NAALADL2: variants seen among roughly 807,000 people sequenced by gnomAD.
NAALADL2 encodes the protein inactive N-acetylated-alpha-linked acidic dipeptidase-like protein 2.
NAALADL2 carries 76 observed loss-of-function variants against 87.2 expected under a neutral mutation model. The observed-to-expected ratio is 0.87, with a 90% CI of 0.72 to 1.05. The LOEUF (loss-of-function observed/expected upper bound fraction) is 1.05, where lower values mean the gene tolerates loss of function less well. NAALADL2 is among the 50% of genes least tolerant of loss of function. NAALADL2 has a pLI of 0.00. For missense variants in NAALADL2, 1,089 were observed against 945.8 expected (o/e 1.15, Z -1.99); for synonymous variants, 354 against 331.0 (o/e 1.07, Z -0.75).
At position 174,664,638 on chromosome 3, in the gene NAALADL2, C is replaced by G. The variant is rs555816823; in HGVS notation, c.-114-73003C>G. 2.6e-5 allele frequency among the ~76,000 whole-genome samples: 4 copies of G among 152,198 alleles called. No homozygotes were observed. The South Asian group carries it at 8.3e-4, about 32-fold the overall frequency. ...TACCTACATATGTTGTAGTGGTTAT[C>G]CAGTCAGAGTGTTGTGATGGGCAAT... On this transcript the variant is annotated intron_variant, in intron 2 of 3. Coordinates refer to the NAALADL2 transcript ENST00000434257.
intron 5 of NAALADL2, among the ~76,000 whole-genome samples, chr3:175,401,167 T>A (rs968605678): frequency 6.6e-6 from 1 of 152,070 alleles, no homozygotes; most frequent in Non-Finnish European, 1.5e-5. Context: ...GGGTTGAAGA[T>A]ACCAGAAATC....
intron 9 of NAALADL2, among the ~76,000 whole-genome samples, chr3:175,501,479 T>A (rs111424597): frequency 2.7e-5 from 4 of 148,520 alleles, no homozygotes; most frequent in African/African-American, 1.0e-4. Context: ...TCAGTGTAGG[T>A]CAGATGTTCA....
intron 2 of NAALADL2, among the ~76,000 whole-genome samples, chr3:175,198,533 T>C (rs1454788103): frequency 6.6e-6 from 1 of 152,122 alleles, no homozygotes; most frequent in Non-Finnish European, 1.5e-5. Context: ...CTAGGATTTA[T>C]ACACTCACGT....
chr3:175,324,967 G>A (rs905853367), intron 5 of NAALADL2, among the ~76,000 whole-genome samples: 1 of 152,138 alleles, frequency 6.6e-6, no homozygotes, highest in Admixed American at 6.5e-5. Flanking sequence ...GATGCTCACC[G>A]CATCATTGAA....
At chr3:174,730,857 T>C (rs963199566) in intron 2 of NAALADL2, among the ~76,000 whole-genome samples, 1 of 152,134 alleles carries the variant, frequency 6.6e-6, no homozygotes, top group Non-Finnish European at 1.5e-5. Flanking sequence ...TTTTGGTACA[T>C]TACAGCCCTT....
chr3:175,769,949 G>A (rs1363025280), intron 13 of NAALADL2, among the ~76,000 whole-genome samples: 1 of 150,516 alleles, frequency 6.6e-6, no homozygotes, highest in Non-Finnish European at 1.5e-5. Context: ...ATAGTCTAAG[G>A]CAGATTTTTT....
chr3:175,258,699 G>T (rs1750503131), intron 4 of NAALADL2, among the ~76,000 whole-genome samples: 1 of 152,164 alleles, frequency 6.6e-6, no homozygotes, highest in Non-Finnish European at 1.5e-5. Flanking sequence ...CATGCCTGGT[G>T]ACTGGGGCTT....
chr3:175,342,952 C>T (rs991620965), intron 5 of NAALADL2, among the ~76,000 whole-genome samples: 1 of 151,960 alleles, frequency 6.6e-6, no homozygotes, highest in Admixed American at 6.6e-5. Context: ...TGAAATTTAG[C>T]ATAATATTTC....
chr3:175,376,820 C>T (rs1043391245), intron 5 of NAALADL2, among the ~76,000 whole-genome samples: 17 of 152,074 alleles, frequency 1.1e-4, no homozygotes, highest in African/African-American at 4.1e-4. Flanking sequence ...TTTTATTTTA[C>T]CATGCTTCAG....
intron 10 of NAALADL2, among the ~76,000 whole-genome samples, chr3:175,590,211 AATATATATATATATATATATATATAT>A (rs66991809): frequency 7.7e-3 from 46 of 5,962 alleles, no homozygotes; most frequent in East Asian, 0.039. Context: ...GACTCCGTCT[AATATATATATATATATATATATATAT>A]ATATATATAT....
At chr3:174,508,113 G>GTTTTTTTTTTTTTTTTTTTTTT (rs1560020933) in intron 1 of NAALADL2, among the ~76,000 whole-genome samples, 1 of 92,940 alleles carries the variant, frequency 1.1e-5, no homozygotes, top group African/African-American at 3.9e-5. Flanking sequence ...GATATCTAGT[G>GTTTTTTTTTTTTTTTTTTTTTT]GTTTTTTTTT....
chr3:175,783,763 G>A (rs1576814794), intron 13 of NAALADL2, among the ~76,000 whole-genome samples: 1 of 150,834 alleles, frequency 6.6e-6, no homozygotes, highest in African/African-American at 2.5e-5. Flanking sequence ...GTGAGACAGG[G>A]CATCCCTGTC....
At chr3:174,564,246 A>T (rs1294033071) in intron 2 of NAALADL2, among the ~76,000 whole-genome samples, 1 of 152,176 alleles carries the variant, frequency 6.6e-6, no homozygotes, top group East Asian at 1.9e-4. Context: ...GAATAGCTTT[A>T]TCAGTGCCTG....
intron 3 of NAALADL2, among the ~76,000 whole-genome samples, chr3:174,812,397 A>T (rs1720315792): frequency 6.6e-6 from 1 of 152,204 alleles, no homozygotes; most frequent in Non-Finnish European, 1.5e-5. Flanking sequence ...GGTGTAAACA[A>T]ACTTACTGCA....
intron 3 of NAALADL2, among the ~76,000 whole-genome samples, chr3:174,785,388 T>A (rs1227030896): frequency 6.6e-6 from 1 of 152,220 alleles, no homozygotes; most frequent in African/African-American, 2.4e-5. Flanking sequence ...GCACCATTTA[T>A]TAAATAAGGA....
At chr3:175,076,922 A>G (rs1716713498) in intron 1 of NAALADL2, among the ~76,000 whole-genome samples, 1 of 152,190 alleles carries the variant, frequency 6.6e-6, no homozygotes, top group South Asian at 2.1e-4. Flanking sequence ...TTCAGTATCA[A>G]AGTCCCATGA....
chr3:175,338,657 AC>A (rs57290197), intron 5 of NAALADL2, among the ~76,000 whole-genome samples: 4,697 of 147,124 alleles, frequency 0.032, 76 homozygotes, highest in Middle Eastern at 0.042. Flanking sequence ...ACACACACAC[AC>A]ACACAAACAA....
chr3:175,254,795 T>TA (rs567353608), intron 3 of NAALADL2, among the ~76,000 whole-genome samples: 15 of 152,214 alleles, frequency 9.9e-5, no homozygotes, highest in Non-Finnish European at 1.9e-4. Context: ...ATCAGCCAAC[T>TA]AAAAAATGTA....
At position 175,698,336 on chromosome 3, in the gene NAALADL2, TA is replaced by T. The variant is rs1560994757; in HGVS notation, c.1897-38969del. 1.2e-4 allele frequency among the ~76,000 whole-genome samples: 9 copies of T among 73,724 alleles called. 1 individual carries two copies. Among genetic ancestry groups the T allele is most frequent in the African/African-American group, 2.0e-4 (2 of 9,922 alleles). The allele number at this position is 73,724 out of a possible 152,430, so 48.4% of individuals were successfully genotyped here. On this transcript the variant is annotated intron_variant, in intron 11 of 13. Transcript: ENST00000454872. ...ATGTATGTGTATTTATGTATGTGTATATATGTATGTGTATTTATGTATGTGT... is the reference window on the plus strand; with the variant it reads ...ATGTATGTGTATTTATGTATGTGTATTATGTATGTGTATTTATGTATGTGT...
Sources: gnomAD v4.1 joint callset for allele counts (sites outside exome capture counted in the v4.1 genomes callset) on GRCh38, gnomAD v4.1.1 for gene constraint, MANE v1.5 for transcripts, NCBI Gene and HGNC (gene_info 2026-07-23, HGNC 2026-07-21) for gene names.